Variants in CFAP69 observed in about 807,000 individuals in gnomAD.
The protein encoded by CFAP69 is cilia and flagella associated protein 69, also known as cilia- and flagella-associated protein 69.
Under a neutral mutation model 123.0 loss-of-function variants are expected in CFAP69, and 92 were observed. The ratio of observed to expected loss-of-function variants is 0.75; its 90% confidence interval spans 0.63 to 0.89. CFAP69 has a LOEUF of 0.89. Among genes scored for constraint, CFAP69 ranks in the 40% least tolerant of loss-of-function variants. The pLI is 0.00. For synonymous variants in CFAP69, 380 were observed against 364.3 expected (o/e 1.04, Z -0.49); for missense variants, 1,067 against 1,096.9 (o/e 0.97, Z 0.39).
At chr7:90,268,196 AATC>A in intron 5 of CFAP69, 87 bp from the exon 6 acceptor site, 4 of 746,310 alleles carry the variant, frequency 5.4e-6, no homozygotes, top group Admixed American at 3.1e-5. Flanking sequence ...TATTTTTAAT[AATC>A]ATCATATTAT....
At chr7:90,263,828 A>G (rs978347856) in intron 4 of CFAP69, among the ~76,000 whole-genome samples, 1 of 151,830 alleles carries the variant, frequency 6.6e-6, no homozygotes, top group Non-Finnish European at 1.5e-5. Flanking sequence ...GGTGGCTCAT[A>G]CCTGTTAATC....
rs753213245 is a variant in CFAP69 at position 90,274,024 on chromosome 7, G to T, written c.898G>T (p.Gly300Cys). ...AGTATTTAAAAATCTGTTTATGAGA[G>T]GTTTCAGTCATTATGACCGTCAGCT... ...KEVFKNLFMR[G>C]FSHYDRQLRN... The change falls in exon 9 of 23, where the codon GGT becomes TGT. Residue 300 changes from glycine (G) to cysteine (C), a missense_variant. By Grantham distance (159) the Gly-to-Cys change is radical (BLOSUM62 -3). Transcript: ENST00000389297. The T allele has an allele frequency of 1.2e-6, 2 of 1,604,332 alleles. No homozygotes were observed. The highest frequency in any genetic ancestry group is 1.1e-5 in the South Asian group (1 of 88,970).
intron 7 of CFAP69, 30 bp downstream of exon 7, chr7:90,271,705 A>C (rs1331808447): frequency 2.6e-5 from 42 of 1,600,104 alleles, no homozygotes; most frequent in Non-Finnish European, 3.5e-5. Context: ...TAAACACTTC[A>C]TTGTCAACTA....
chr7:90,264,263 A>T (rs907811911), intron 4 of CFAP69, among the ~76,000 whole-genome samples: 1 of 151,136 alleles, frequency 6.6e-6, no homozygotes, highest in African/African-American at 2.4e-5. Context: ...AATAACTTTT[A>T]TATTTTCTTT....
chr7:90,319,745 A>G, the CFAP69 span: 1 of 398,584 alleles, frequency 2.5e-6, no homozygotes, highest in African/African-American at 2.1e-5. Flanking sequence ...GTAGCAAAAC[A>G]CATATTCTAT....
At chr7:90,248,628 A>G in intron 1 of CFAP69, among the ~76,000 whole-genome samples, 1 of 152,156 alleles carries the variant, frequency 6.6e-6, no homozygotes, top group Non-Finnish European at 1.5e-5. Context: ...TTGAATTGTT[A>G]TTTTCATTCC....
At chr7:90,296,269 T>C (rs553539888) in intron 15 of CFAP69, among the ~76,000 whole-genome samples, 1 of 152,066 alleles carries the variant, frequency 6.6e-6, no homozygotes, top group East Asian at 1.9e-4. Flanking sequence ...TTTTACAGAG[T>C]TTCATTCTGA....
Position 90,271,594 on chromosome 7 carries a change from GT to G in CFAP69, c.602del (p.Val201AlafsTer4). 6.2e-7 allele frequency: 1 copy of G among 1,613,374 alleles called. No individual in the cohort carries two copies. Among genetic ancestry groups the G allele is most frequent in the Non-Finnish European group, 8.5e-7 (1 of 1,179,654 alleles). ...AGTTGGAGGATTAGCAAAAACAATG[GT>G]CCAGTCAATGACCTTGCTTGAAAAT... The part of the protein sequence containing the change: ...AEVGGLAKTM[V>X]QSMTLLENQL... On this transcript the variant is annotated frameshift_variant, in exon 7 of 23. Transcript: ENST00000389297. LOFTEE classifies it high-confidence loss of function.
chr7:90,247,696 A>C (rs1250777650), intron 1 of CFAP69, among the ~76,000 whole-genome samples: 1 of 152,060 alleles, frequency 6.6e-6, no homozygotes, highest in African/African-American at 2.4e-5. Context: ...AAATACAAAA[A>C]TTAGGTGGGC....
In CFAP69 at chr7:90,310,996, T is replaced by A. The variant is rs1243999411; in HGVS notation, c.*758T>A. 1.3e-5 allele frequency: 2 copies of A among 151,860 alleles called. No individual in the cohort carries two copies. Among genetic ancestry groups the A allele is most frequent in the African/African-American group, 4.8e-5 (2 of 41,308 alleles). The allele number at this position is 151,860 out of a possible 1,614,324, so 9.4% of individuals were successfully genotyped here. On this transcript the variant is annotated 3_prime_UTR_variant, in exon 23 of 23. Transcript: ENST00000389297. ...AAGCAAATGTTAGTCATGAGCCAAA[T>A]GGTAAAAAAGAAAAAAAAATGCAGC... is the stretch of plus-strand genomic sequence containing the variant.
downstream of CFAP69, among the ~76,000 whole-genome samples, chr7:90,315,981 C>T (rs1794779008): frequency 6.6e-6 from 1 of 152,114 alleles, no homozygotes; most frequent in Non-Finnish European, 1.5e-5. Context: ...ATAATCCCAC[C>T]TACTTGGGAG....
intron 2 of CFAP69, among the ~76,000 whole-genome samples, chr7:90,257,182 A>C (rs996404315): frequency 2.0e-5 from 3 of 152,238 alleles, no homozygotes; most frequent in African/African-American, 7.2e-5. Flanking sequence ...CATGTGGTAC[A>C]TGACGTAGAA....
chr7:90,303,855 G>T, intron 17 of CFAP69, 114 bp from the exon 18 acceptor site: 1 of 1,293,686 alleles, frequency 7.7e-7, no homozygotes, highest in Non-Finnish European at 1.0e-6. Context: ...CTATTTTTTT[G>T]CTACAATATT....
downstream of CFAP69, among the ~76,000 whole-genome samples, chr7:90,311,361 A>G (rs997174663): frequency 4.6e-5 from 7 of 152,178 alleles, no homozygotes; most frequent in Non-Finnish European, 7.4e-5. Context: ...TTCTGGGCCC[A>G]TGGGGCACAC....
chr7:90,306,793 A>G (rs766995580), intron 19 of CFAP69, 108 bp from the exon 20 acceptor site: 7 of 701,898 alleles, frequency 1.0e-5, no homozygotes, highest in Non-Finnish European at 1.5e-5. Flanking sequence ...AATTTAGGAA[A>G]AGTTTAAGTG....
chr7:90,293,190 A>G (rs548877512), intron 15 of CFAP69, among the ~76,000 whole-genome samples: 3 of 152,318 alleles, frequency 2.0e-5, no homozygotes, highest in Non-Finnish European at 1.5e-5. Flanking sequence ...ACATTTGACA[A>G]TGCTTCCTGT....
chr7:90,289,561 C>CCACTCTGAGGCTTACATTTT (rs2117181508), intron 15 of CFAP69, among the ~76,000 whole-genome samples: 1 of 152,172 alleles, frequency 6.6e-6, no homozygotes, highest in Admixed American at 6.6e-5. Flanking sequence ...ATATATTCTG[C>CCACTCTGAGGCTTACATTTT]CACTCTGAGG....
chr7:90,318,500 A>G, the CFAP69 span: 23 of 152,290 alleles, frequency 1.5e-4, no homozygotes, highest in African/African-American at 5.5e-4. Context: ...ACTACATTAA[A>G]TATTACTTTT....
chr7:90,304,139 G>GC, intron 18 of CFAP69, 33 bp downstream of exon 18: 1 of 1,537,406 alleles, frequency 6.5e-7, no homozygotes, highest in Non-Finnish European at 8.8e-7. Context: ...GCAAGAGTCT[G>GC]TTTTGCTAAG....
Sources: gnomAD v4.1 joint callset for allele counts (sites outside exome capture counted in the v4.1 genomes callset) on GRCh38, gnomAD v4.1.1 for gene constraint, MANE v1.5 for transcripts, NCBI Gene and HGNC (gene_info 2026-07-23, HGNC 2026-07-21) for gene names.